The following NTRK1 variants were observed in gnomAD, a reference collection of about 807,000 sequenced individuals.
NTRK1 encodes neurotrophic receptor tyrosine kinase 1.
Under a neutral mutation model 86.8 loss-of-function variants are expected in NTRK1, and 62 were observed. The ratio of observed to expected loss-of-function variants is 0.71; its 90% CI spans 0.58 to 0.88. The LOEUF (loss-of-function observed/expected upper bound fraction) is 0.88, where lower values mean the gene tolerates loss of function less well. Ranked by LOEUF, NTRK1 falls within the 40% of genes least tolerant of loss-of-function variation. The pLI, the probability that NTRK1 is intolerant of heterozygous loss-of-function variation, is 0.00. For missense variants in NTRK1, 967 were observed against 1,078.4 expected (o/e 0.90, Z 1.45); for synonymous variants, 469 against 456.6 (o/e 1.03, Z -0.35).
chr1:156,822,609 GAAA>G (rs35686944), intron 1 of NTRK1, among the ~76,000 whole-genome samples: 1,430 of 81,316 alleles, frequency 0.018, 21 homozygotes, highest in African/African-American at 0.043. Flanking sequence ...TAAAAGATTA[GAAA>G]AAAAAAAAAA....
In NTRK1 at chr1:156,841,994, G is replaced by A. The variant is rs566121796; in HGVS notation, c.-63-87G>A. On this transcript the variant is annotated intron_variant, in intron 1 of 16. Transcript: ENST00000392302. Reference sequence around the variant, plus strand: ...CAAGAGACTAAGATACAGGGTGGGGGTGACTTGCCAAGGGTCTCACAGGCT... The same window carrying A: ...CAAGAGACTAAGATACAGGGTGGGGATGACTTGCCAAGGGTCTCACAGGCT... 63 of 1,566,122 alleles carry A rather than the reference G, an allele frequency of 4.0e-5. No individual in the cohort carries two copies. The South Asian group carries it at 6.4e-4, about 16-fold the overall frequency.
chr1:156,850,534 C>CTT (rs35237064), intron 2 of NTRK1, among the ~76,000 whole-genome samples: 733 of 58,636 alleles, frequency 0.013, 62 homozygotes, highest in Middle Eastern at 0.017. Flanking sequence ...TTAAAACATT[C>CTT]TTTTTTTTTT....
chr1:156,857,163 ATGTGTGTGTGTGTGTGTG>A (rs57324546), upstream of NTRK1, among the ~76,000 whole-genome samples: 83 of 130,638 alleles, frequency 6.4e-4, no homozygotes, highest in South Asian at 3.3e-3. Context: ...GCAGCTGTGT[ATGTGTGTGTGTGTGTGTG>A]TGTGTGTGTG....
At chr1:156,866,641 C>T (rs916423432) in intron 3 of NTRK1, among the ~76,000 whole-genome samples, 1 of 152,134 alleles carries the variant, frequency 6.6e-6, no homozygotes, top group Non-Finnish European at 1.5e-5. Flanking sequence ...AGCGGCTGTT[C>T]CCTCAGATCC....
chr1:156,849,186 C>A (rs1202142144), intron 2 of NTRK1: 1 of 1,604,748 alleles, frequency 6.2e-7, no homozygotes, highest in African/African-American at 1.3e-5. Context: ...TCTCCCTCCC[C>A]CGGGTGTGCG....
rs745413759 is a variant in NTRK1, at chr1:156,854,051, T to A, written c.51-10303T>A. On this transcript the variant is annotated intron_variant, in intron 2 of 16. Coordinates refer to the NTRK1 transcript ENST00000392302. This position sits in a 1 kb window ranked among gnomAD's most constrained non-coding sequence, Gnocchi z 4.2. The stretch of plus-strand genomic sequence containing the variant: ...TGGCATCTCAAAGATGACCAGTGCA[T>A]AGCCCAGGAAGAGGCGCGTCCCGCG... 6.2e-7 allele frequency: 1 copy of A among 1,614,100 alleles called. No homozygotes were observed. Among genetic ancestry groups the A allele is most frequent in the South Asian group, 1.1e-5 (1 of 91,090 alleles).
At chr1:156,877,481 C>T (rs1331562176) in intron 14 of NTRK1, among the ~76,000 whole-genome samples, 2 of 152,224 alleles carry the variant, frequency 1.3e-5, no homozygotes, top group African/African-American at 4.8e-5. Context: ...GGTGATGTGG[C>T]CCCAGGCAGA....
At chr1:156,838,265 C>G (rs1163118460) in intron 1 of NTRK1, among the ~76,000 whole-genome samples, 4 of 152,116 alleles carry the variant, frequency 2.6e-5, no homozygotes, top group African/African-American at 9.7e-5. Context: ...TCCCCAGCAC[C>G]CATTCTCGGG....
intron 9 of NTRK1, 45 bp downstream of exon 9, chr1:156,874,445 G>T (rs1184316165): frequency 6.2e-7 from 1 of 1,613,906 alleles, no homozygotes; most frequent in Non-Finnish European, 8.5e-7. Flanking sequence ...GGTCTCTGGA[G>T]CTGAGGCTGG....
At position 156,876,049 on chromosome 1, in the gene NTRK1, G is replaced by T. The variant is rs747815041; in HGVS notation, c.1502-31G>T. 8 of 1,614,112 alleles carry T rather than the reference G, an allele frequency of 5.0e-6. 1 individual carries two copies. The Admixed American group carries it at 1.3e-4, about 27-fold the overall frequency. ...ACAACCCCAGCCCTCCCAAGACTGG[G>T]GCTACCGTCTGACCCTGCAAGCCCC... On this transcript the variant is annotated intron_variant, in intron 12 of 16. Transcript: ENST00000524377.
upstream of NTRK1, among the ~76,000 whole-genome samples, chr1:156,857,301 A>C (rs958245822): frequency 3.3e-5 from 5 of 152,142 alleles, no homozygotes; most frequent in African/African-American, 1.2e-4. Flanking sequence ...AAAGCCAATC[A>C]GGCTCTGCGA....
intron 1 of NTRK1, among the ~76,000 whole-genome samples, chr1:156,823,149 G>A (rs1654232885): frequency 6.6e-6 from 1 of 152,180 alleles, no homozygotes; most frequent in Admixed American, 6.5e-5. Context: ...AGGGAAGCAT[G>A]CATTCACAAA....
chr1:156,843,066 G>A (rs146178624), intron 2 of NTRK1: 116 of 1,613,964 alleles, frequency 7.2e-5, no homozygotes, highest in African/African-American at 1.3e-4. Context: ...ATGCATTCCC[G>A]TGGGCTGGCC....
In NTRK1 at chr1:156,854,129, C is replaced by T. The variant is rs150713464; in HGVS notation, c.51-10225C>T. On this transcript the variant is annotated intron_variant, in intron 2 of 16. Transcript: ENST00000392302. The surrounding 1 kb of genome is among the most constrained non-coding windows in gnomAD (Gnocchi z 4.2). Reference sequence around the variant, plus strand: ...GCGCAGGCTCTCCAGTCCGTAGACACGGAAGAGCAGCAGGTAGTCGGTGAC... The same window carrying T: ...GCGCAGGCTCTCCAGTCCGTAGACATGGAAGAGCAGCAGGTAGTCGGTGAC... 279 of 1,614,036 alleles carry T rather than the reference C, an allele frequency of 1.7e-4. No individual in the cohort carries two copies. The highest frequency in any genetic ancestry group is 2.2e-4 in the Non-Finnish European group (254 of 1,180,044).
At chr1:156,840,866 G>A (rs771871068) in intron 1 of NTRK1, 1 of 1,604,764 alleles carries the variant, frequency 6.2e-7, no homozygotes. Context: ...AGGGAATGAG[G>A]TGCCCCTCAG....
intron 2 of NTRK1, chr1:156,853,814 G>A (rs1404202742): frequency 6.2e-7 from 1 of 1,613,252 alleles, no homozygotes; most frequent in Non-Finnish European, 8.5e-7. Context: ...GGTGGTCTTG[G>A]CACAGGGCTC....
At chr1:156,858,930 G>A (rs538917250), upstream of NTRK1, 5 of 375,856 alleles carry the variant, frequency 1.3e-5, no homozygotes, top group African/African-American at 1.0e-4. Flanking sequence ...AATGACACAG[G>A]GTTCTGAGCA....
intron 2 of NTRK1, among the ~76,000 whole-genome samples, chr1:156,852,379 CG>C (rs902496049): frequency 6.6e-6 from 1 of 152,250 alleles, no homozygotes; most frequent in African/African-American, 2.4e-5. Context: ...GGACTGTGGC[CG>C]TCTGTGGCTC....
chr1:156,845,468 T>G (rs370308700), intron 2 of NTRK1: 216 of 1,518,954 alleles, frequency 1.4e-4, no homozygotes, highest in Non-Finnish European at 1.8e-4. Context: ...CCCTGTGCCC[T>G]CTGCAGCGCG....
Sources: gnomAD v4.1 joint callset for allele counts (sites outside exome capture counted in the v4.1 genomes callset) on GRCh38, gnomAD v4.1.1 for gene constraint, Gnocchi (gnomAD v3.1) non-coding constraint, MANE v1.5 for transcripts, NCBI Gene and HGNC (gene_info 2026-07-23, HGNC 2026-07-21) for gene names.